Variants in ZHX2 observed in about 807,000 individuals in gnomAD.
The protein encoded by ZHX2 is zinc fingers and homeoboxes 2.
Under a neutral mutation model 21.9 loss-of-function variants are expected in ZHX2, and 6 were observed. The observed-to-expected ratio is 0.27, with a 90% CI of 0.15 to 0.54. ZHX2 has a LOEUF of 0.54. Ranked by LOEUF, ZHX2 falls within the 20% of genes least tolerant of loss-of-function variation. ZHX2 has a pLI of 0.95. For synonymous variants in ZHX2, 434 were observed against 437.1 expected, an observed-to-expected ratio of 0.99 and a Z score of 0.09; for missense variants, 908 against 1,090.7, an observed-to-expected ratio of 0.83 and a Z score of 2.36.
intron 1 of ZHX2, among the ~76,000 whole-genome samples, chr8:122,860,933 T>C (rs1488552424): frequency 6.7e-6 from 1 of 148,964 alleles, no homozygotes; most frequent in African/African-American, 2.5e-5. Context: ...CTCGGGAGGC[T>C]GAAGCAGGAA....
chr8:122,895,232 C>A (rs543554622), intron 2 of ZHX2, among the ~76,000 whole-genome samples: 1 of 152,150 alleles, frequency 6.6e-6, no homozygotes, highest in Non-Finnish European at 1.5e-5. Context: ...CAATAGTAAT[C>A]ACATCATAGG....
intron 1 of ZHX2, among the ~76,000 whole-genome samples, chr8:122,790,036 C>G (rs1222623436): frequency 6.6e-6 from 1 of 152,138 alleles, no homozygotes; most frequent in Non-Finnish European, 1.5e-5. Flanking sequence ...AACTTGCATT[C>G]GAGAGTGTGA....
At chr8:122,944,740 C>T (rs1247838602) in intron 2 of ZHX2, among the ~76,000 whole-genome samples, 1 of 152,168 alleles carries the variant, frequency 6.6e-6, no homozygotes, top group Non-Finnish European at 1.5e-5. Flanking sequence ...ACTTTGTGTG[C>T]CATTGAAGGG....
chr8:122,784,674 A>G (rs911424944), intron 1 of ZHX2, among the ~76,000 whole-genome samples: 3 of 152,258 alleles, frequency 2.0e-5, no homozygotes, highest in African/African-American at 7.2e-5. Context: ...ATAAGAACCC[A>G]TAGCCATTAA....
At chr8:122,956,534 A>T (rs1813308437) in intron 3 of ZHX2, among the ~76,000 whole-genome samples, 2 of 152,142 alleles carry the variant, frequency 1.3e-5, no homozygotes, top group Non-Finnish European at 2.9e-5. Context: ...CCAAGTGCAC[A>T]GACAAGGGAA....
chr8:122,904,530 C>T (rs1483742534), intron 2 of ZHX2, among the ~76,000 whole-genome samples: 1 of 152,144 alleles, frequency 6.6e-6, no homozygotes, highest in African/African-American at 2.4e-5. Flanking sequence ...TGACTCCTCC[C>T]AGTCAGAGAG....
chr8:122,874,555 A>G (rs1487743691), intron 2 of ZHX2, among the ~76,000 whole-genome samples: 1 of 152,168 alleles, frequency 6.6e-6, no homozygotes, highest in Non-Finnish European at 1.5e-5. Flanking sequence ...CTGGTCTCGA[A>G]CTGCTGACCT....
intron 1 of ZHX2, among the ~76,000 whole-genome samples, chr8:122,809,452 G>C (rs1817882663): frequency 6.6e-6 from 1 of 151,758 alleles, no homozygotes; most frequent in Non-Finnish European, 1.5e-5. Flanking sequence ...GTGAGCTGAG[G>C]TTGCACCACT....
chr8:122,945,860 G>T (rs1008236662), intron 2 of ZHX2, among the ~76,000 whole-genome samples: 1 of 152,194 alleles, frequency 6.6e-6, no homozygotes, highest in Non-Finnish European at 1.5e-5. Context: ...CCCTGAATGC[G>T]CCCGGTCTCG....
rs759167502 is a variant in ZHX2, at chr8:122,952,686, C to G, written c.1176C>G (p.Pro392=). The G allele has an allele frequency of 7.4e-6, 12 of 1,614,148 alleles. No homozygotes were observed. The East Asian group carries it at 1.3e-4, about 18-fold the overall frequency. Residue 392 remains proline, a synonymous_variant, in exon 3 of 4, where the codon CCC becomes CCG. Coordinates refer to ENST00000314393, the MANE Select transcript of ZHX2 (RefSeq NM_014943.5). The surrounding 1 kb of genome is among the most constrained non-coding windows in gnomAD (Gnocchi z 6.9). ...TSGSTTVSCS[P]ITLAVAGVTN... The stretch of plus-strand genomic sequence containing the variant: ...GGTCAACAACCGTCTCTTGCTCCCC[C>G]ATCACACTTGCCGTGGCAGGAGTCA...
chr8:122,830,962 C>T (rs1470301729), intron 1 of ZHX2, among the ~76,000 whole-genome samples: 2 of 152,032 alleles, frequency 1.3e-5, no homozygotes, highest in Admixed American at 1.3e-4. Flanking sequence ...CTTTGCCTAA[C>T]GATTGAGGCC....
chr8:122,873,710 A>AT (rs1440051252), intron 2 of ZHX2, among the ~76,000 whole-genome samples: 1 of 152,192 alleles, frequency 6.6e-6, no homozygotes, highest in Non-Finnish European at 1.5e-5. Context: ...ACTAGAGGTC[A>AT]TAGTCCGAAA....
intron 2 of ZHX2, among the ~76,000 whole-genome samples, chr8:122,873,743 GACAA>G (rs963795559): frequency 3.4e-4 from 51 of 152,172 alleles, no homozygotes; most frequent in Admixed American, 3.3e-3. Context: ...AGCTGAAGGT[GACAA>G]ACAAAGTATT....
chr8:122,881,090 G>A lies in ZHX2; in HGVS notation c.-220+17551G>A, dbSNP rs150451164. Among the ~76,000 whole-genome samples the A allele has an allele frequency of 5.8e-3, 889 of 152,194 alleles. 4 individuals are homozygous for A. The highest frequency in any genetic ancestry group is 0.01 in the South Asian group (50 of 4,822). ...ACCTACGTGACTGAGTGCCTGATGC[G>A]GATGTGATATTGCTGACAGATCATT... is the stretch of plus-strand genomic sequence containing the variant. On this transcript the variant is annotated intron_variant, in intron 2 of 3. Transcript: ENST00000314393.
chr8:122,842,673 A>C (rs1172001815), intron 1 of ZHX2, among the ~76,000 whole-genome samples: 1 of 151,882 alleles, frequency 6.6e-6, no homozygotes, highest in Non-Finnish European at 1.5e-5. Context: ...GCACCACTGC[A>C]CTCCAGCCTG....
chr8:122,795,650 ATGT>A lies in ZHX2; in HGVS notation c.-283+13708_-283+13710del, dbSNP rs559553260. On this transcript the variant is annotated intron_variant, in intron 1 of 3. Coordinates refer to ENST00000314393, the MANE Select transcript of ZHX2 (RefSeq NM_014943.5). ...TTAAGTGTCAGCCATTGAACCAAGC[ATGT>A]TGTATACTATACCTTGTTTTATATT... Among the ~76,000 whole-genome samples, 9 of 152,292 alleles carry A rather than the reference ATGT, an allele frequency of 5.9e-5. No homozygotes were observed. In the South Asian group the frequency reaches 1.7e-3, roughly 28 times the overall value.
At chr8:122,871,808 T>G (rs1819448788) in intron 2 of ZHX2, among the ~76,000 whole-genome samples, 1 of 150,374 alleles carries the variant, frequency 6.7e-6, no homozygotes, top group African/African-American at 2.4e-5. Flanking sequence ...AGTACTAGCA[T>G]TGAAACTGAT....
At chr8:122,889,831 T>C (rs75914133) in intron 2 of ZHX2, among the ~76,000 whole-genome samples, 2,005 of 152,286 alleles carry the variant, frequency 0.013, 53 homozygotes, top group Admixed American at 0.058. Context: ...TTGGTATAGA[T>C]GATGGAGGTT....
At chr8:122,945,770 T>C (rs977098120) in intron 2 of ZHX2, among the ~76,000 whole-genome samples, 8 of 152,194 alleles carry the variant, frequency 5.3e-5, no homozygotes, top group African/African-American at 1.2e-4. Context: ...TTTGCTTAGT[T>C]CTGACTTGTT....
Sources: gnomAD v4.1 joint callset for allele counts (sites outside exome capture counted in the v4.1 genomes callset) on GRCh38, gnomAD v4.1.1 for gene constraint, Gnocchi (gnomAD v3.1) non-coding constraint, MANE v1.5 for transcripts, NCBI Gene and HGNC (gene_info 2026-07-23, HGNC 2026-07-21) for gene names.